The following MARCHF3 variants were observed in gnomAD, a reference collection of about 807,000 sequenced individuals.
The protein encoded by MARCHF3 is E3 ubiquitin-protein ligase MARCHF3.
In MARCHF3, 13 loss-of-function variants were observed where a neutral mutation model predicts 24.2. The observed-to-expected ratio is 0.54, with a 90% confidence interval of 0.35 to 0.85. The LOEUF (loss-of-function observed/expected upper bound fraction) is 0.85, where lower values mean the gene tolerates loss of function less well. Ranked by LOEUF, MARCHF3 falls within the 40% of genes least tolerant of loss-of-function variation. MARCHF3 has a pLI of 0.01. For missense variants in MARCHF3, 276 were observed against 325.0 expected, an observed-to-expected ratio of 0.85 and a Z score of 1.16; for synonymous variants, 144 against 137.3, an observed-to-expected ratio of 1.05 and a Z score of -0.34.
At chr5:127,015,871 T>C (rs1414148469) in intron 1 of MARCHF3, among the ~76,000 whole-genome samples, 1 of 152,164 alleles carries the variant, frequency 6.6e-6, no homozygotes, top group East Asian at 1.9e-4. Context: ...TGATGAAATC[T>C]CATGCTGTCC....
intron 1 of MARCHF3, among the ~76,000 whole-genome samples, chr5:126,966,213 G>C (rs1305971109): frequency 6.6e-6 from 1 of 152,116 alleles, no homozygotes; most frequent in Non-Finnish European, 1.5e-5. Context: ...GACTGCAAAG[G>C]GGCACAGAAT....
In MARCHF3 at chr5:126,878,270, T is replaced by G; in HGVS notation, c.518A>C (p.His173Pro). 1 of 1,614,128 alleles carries G rather than the reference T, an allele frequency of 6.2e-7. No homozygotes were observed. The highest frequency in any genetic ancestry group is 8.5e-7 in the Non-Finnish European group (1 of 1,180,018). ...GWLCLRGAVDHLHFSSRLEAV... is the reference protein window; with the variant it reads ...GWLCLRGAVDPLHFSSRLEAV... ...TTCCAGCCGACTACTAAAGTGCAGG[T>G]GGTCCACGGCGCCCCGCAGGCACAG... Residue 173 changes from histidine to proline, a missense_variant, in exon 4 of 5, where the codon CAC becomes CCC. By Grantham distance (77) the His-to-Pro change is moderately conservative. Coordinates refer to ENST00000308660, the MANE Select transcript of MARCHF3 (RefSeq NM_178450.5).
intron 3 of MARCHF3, among the ~76,000 whole-genome samples, chr5:126,878,900 A>C (rs1158758784): frequency 6.6e-6 from 1 of 152,230 alleles, no homozygotes; most frequent in Non-Finnish European, 1.5e-5. Context: ...ATTTTACCTG[A>C]TAAGAGTATT....
At chr5:126,990,082 TTAA>T (rs763789049) in intron 1 of MARCHF3, among the ~76,000 whole-genome samples, 141,799 of 143,486 alleles carry the variant, frequency 0.99, 70,094 homozygotes, top group East Asian at 1. Context: ...GAGCCCCCAT[TTAA>T]CAAGACAATC....
At chr5:126,989,543 G>A (rs556809330) in intron 1 of MARCHF3, among the ~76,000 whole-genome samples, 1 of 152,082 alleles carries the variant, frequency 6.6e-6, no homozygotes, top group Admixed American at 6.5e-5. Flanking sequence ...CTAAGTGCTG[G>A]TGCAATGTAA....
chr5:126,952,729 C>A (rs1750295939), intron 1 of MARCHF3, among the ~76,000 whole-genome samples: 1 of 152,058 alleles, frequency 6.6e-6, no homozygotes, highest in African/African-American at 2.4e-5. Context: ...CTTAACCACC[C>A]CCAATTACTT....
intron 3 of MARCHF3, among the ~76,000 whole-genome samples, chr5:126,902,336 T>C (rs1262920264): frequency 1.3e-5 from 2 of 152,146 alleles, no homozygotes; most frequent in African/African-American, 4.8e-5. Flanking sequence ...GAACATGTTA[T>C]ATGAAGCAAT....
intron 1 of MARCHF3, among the ~76,000 whole-genome samples, chr5:126,978,272 G>A (rs1372763245): frequency 1.3e-5 from 2 of 152,206 alleles, no homozygotes; most frequent in Non-Finnish European, 1.5e-5. Flanking sequence ...GCCAGAAAGG[G>A]CCAAGGAGAG....
intron 3 of MARCHF3, among the ~76,000 whole-genome samples, chr5:126,910,507 G>T (rs1015845433): frequency 6.6e-6 from 1 of 152,190 alleles, no homozygotes; most frequent in Non-Finnish European, 1.5e-5. Context: ...CGGAGGGACC[G>T]GCTGAAGCCA....
At chr5:126,879,659 T>C (rs1467698204) in intron 3 of MARCHF3, among the ~76,000 whole-genome samples, 3 of 152,264 alleles carry the variant, frequency 2.0e-5, no homozygotes, top group Admixed American at 6.5e-5. Flanking sequence ...AGTGCTTACA[T>C]ACTGGTGTCA....
chr5:126,956,628 G>C (rs1266963997), intron 1 of MARCHF3, among the ~76,000 whole-genome samples: 1 of 114,766 alleles, frequency 8.7e-6, no homozygotes, highest in Non-Finnish European at 1.7e-5. Context: ...CTGGGCAACA[G>C]AGTGAGGCTC....
chr5:126,895,215 A>C (rs1753835286), intron 3 of MARCHF3, among the ~76,000 whole-genome samples: 1 of 151,916 alleles, frequency 6.6e-6, no homozygotes, highest in African/African-American at 2.4e-5. Flanking sequence ...ATTCTTCTAA[A>C]GTTTTTTCAA....
intron 1 of MARCHF3, among the ~76,000 whole-genome samples, chr5:127,013,328 TAAAAG>T: frequency 6.6e-6 from 1 of 152,192 alleles, no homozygotes; most frequent in South Asian, 2.1e-4. Flanking sequence ...ACAATAAAAT[TAAAAG>T]GAAAGGAAAA....
At chr5:127,008,422 A>C (rs915299866) in intron 1 of MARCHF3, among the ~76,000 whole-genome samples, 1 of 152,232 alleles carries the variant, frequency 6.6e-6, no homozygotes, top group Non-Finnish European at 1.5e-5. Flanking sequence ...GCAGTCACTT[A>C]GAAGAGAGTC....
At chr5:126,899,757 CTT>C (rs1754043342) in intron 3 of MARCHF3, among the ~76,000 whole-genome samples, 1 of 151,980 alleles carries the variant, frequency 6.6e-6, no homozygotes, top group Non-Finnish European at 1.5e-5. Flanking sequence ...TTAAAACAGA[CTT>C]TATTTTTTAG....
intron 3 of MARCHF3, 161 bp downstream of exon 3, chr5:126,914,769 C>T (rs73783486): frequency 1.3e-4 from 67 of 535,810 alleles, no homozygotes; most frequent in East Asian, 1.1e-3. Flanking sequence ...CTTTCTCAAA[C>T]ACACACACAC....
chr5:126,922,460 T>A (rs781132574), intron 1 of MARCHF3, among the ~76,000 whole-genome samples: 5 of 152,194 alleles, frequency 3.3e-5, no homozygotes, highest in Non-Finnish European at 7.3e-5. Context: ...TATTATTATG[T>A]TAACCTTCAT....
At chr5:126,942,315 T>C (rs1749856387) in intron 1 of MARCHF3, among the ~76,000 whole-genome samples, 1 of 152,210 alleles carries the variant, frequency 6.6e-6, no homozygotes, top group Non-Finnish European at 1.5e-5. Flanking sequence ...CTGTCACAAC[T>C]ACTCAACTCT....
At chr5:126,872,945 C>T (rs1017223394) in intron 4 of MARCHF3, among the ~76,000 whole-genome samples, 11 of 151,998 alleles carry the variant, frequency 7.2e-5, no homozygotes, top group Admixed American at 2.0e-4. Context: ...GCTGGGAAGC[C>T]AGCTGTTCAG....
Sources: allele counts gnomAD v4.1 joint callset (sites outside exome capture counted in the v4.1 genomes callset), GRCh38; gene constraint gnomAD v4.1.1; transcripts MANE v1.5; gene names NCBI Gene and HGNC (gene_info 2026-07-23, HGNC 2026-07-21).